ITGA11: variants seen among roughly 807,000 people sequenced by gnomAD.
ITGA11 encodes the protein integrin alpha-11.
In ITGA11, 97 loss-of-function variants were observed where a neutral mutation model predicts 141.9. That is an observed-to-expected ratio of 0.68 (90% CI 0.58 to 0.81). The LOEUF (loss-of-function observed/expected upper bound fraction) is 0.81. ITGA11 is among the 30% of genes least tolerant of loss of function. The pLI, the probability that ITGA11 is intolerant of heterozygous loss-of-function variation, is 0.00. For synonymous variants in ITGA11, 658 were observed against 624.6 expected, an observed-to-expected ratio of 1.05 and a Z score of -0.80; for missense variants, 1,387 against 1,559.2, an observed-to-expected ratio of 0.89 and a Z score of 1.86.
intron 10 of ITGA11, among the ~76,000 whole-genome samples, chr15:68,345,239 T>G (rs902033350): frequency 2.0e-5 from 3 of 152,194 alleles, no homozygotes; most frequent in African/African-American, 7.2e-5. Context: ...AGCTTAAAAA[T>G]GTATTCTAAA....
At chr15:68,371,427 G>A (rs1281715028) in intron 2 of ITGA11, among the ~76,000 whole-genome samples, 4 of 152,124 alleles carry the variant, frequency 2.6e-5, no homozygotes, top group Non-Finnish European at 4.4e-5. Flanking sequence ...GAAAAGCCAC[G>A]GCCAGCTGGG....
In ITGA11 at chr15:68,303,813, C is replaced by A; in HGVS notation, c.3454G>T (p.Gly1152Cys). 6.2e-7 allele frequency: 1 copy of A among 1,613,102 alleles called. No individual in the cohort carries two copies. Among genetic ancestry groups the A allele is most frequent in the Non-Finnish European group, 8.5e-7 (1 of 1,179,384 alleles). The part of the protein sequence containing the change: ...IWIIVGSTLG[G>C]LLLLALLVLA... ...ACCAGCAGGGCCAGCAGTAGGAGGC[C>A]CCCCAGGGTGCTGCCTACAATGATC... The change falls in exon 29 of 30, where the codon GGC (glycine) becomes TGC (cysteine). Residue 1152 changes from glycine (G) to cysteine (C), a missense_variant. Transcript: ENST00000315757. This position sits in a 1 kb window ranked among gnomAD's most constrained non-coding sequence, Gnocchi z 5.3.
chr15:68,412,838 G>A (rs1896806980), intron 1 of ITGA11, among the ~76,000 whole-genome samples: 1 of 151,852 alleles, frequency 6.6e-6, no homozygotes, highest in Non-Finnish European at 1.5e-5. Context: ...ACCATGCCTG[G>A]CTAATTTTTG....
intron 10 of ITGA11, among the ~76,000 whole-genome samples, chr15:68,347,933 C>T (rs1157807025): frequency 1.3e-5 from 2 of 152,056 alleles, no homozygotes; most frequent in Non-Finnish European, 2.9e-5. Flanking sequence ...CACACACACA[C>T]ACACACACAC....
intron 2 of ITGA11, among the ~76,000 whole-genome samples, chr15:68,400,962 ATATTTATTT>A (rs1896494447): frequency 1.7e-5 from 2 of 118,100 alleles, no homozygotes; most frequent in Non-Finnish European, 3.3e-5. Context: ...AATATTATAT[ATATTTATTT>A]ATATATTTTA....
chr15:68,338,864 C>G (rs1209586111), intron 11 of ITGA11, among the ~76,000 whole-genome samples: 1 of 152,222 alleles, frequency 6.6e-6, no homozygotes, highest in Non-Finnish European at 1.5e-5. Context: ...ACATCACCCC[C>G]CTTGCCGCCC....
At chr15:68,384,826 C>T (rs1895945010) in intron 2 of ITGA11, among the ~76,000 whole-genome samples, 2 of 152,212 alleles carry the variant, frequency 1.3e-5, no homozygotes, top group African/African-American at 4.8e-5. Flanking sequence ...AGGAAAAGAG[C>T]AAAGGATGTT....
At chr15:68,368,569 G>A (rs148706637) in intron 3 of ITGA11, among the ~76,000 whole-genome samples, 20 of 152,348 alleles carry the variant, frequency 1.3e-4, no homozygotes, top group African/African-American at 4.6e-4. Context: ...GCTCTTTGGC[G>A]AGGAAAAGCT....
At chr15:68,415,742 G>A (rs1896873079) in intron 1 of ITGA11, among the ~76,000 whole-genome samples, 1 of 152,212 alleles carries the variant, frequency 6.6e-6, no homozygotes, top group Non-Finnish European at 1.5e-5. Context: ...CCAGGAAGCA[G>A]AGAGCTCATG....
chr15:68,307,784 C>T lies in ITGA11; in HGVS notation c.3175-88G>A, dbSNP rs925731179. 1.1e-6 allele frequency: 1 copy of T among 871,524 alleles called. No individual in the cohort carries two copies. The highest frequency in any genetic ancestry group is 1.8e-6 in the Non-Finnish European group (1 of 541,318). The allele number at this position is 871,524 out of a possible 1,614,324, so 54.0% of individuals were successfully genotyped here. ...CTGCTTGAACGACTGGGGCTCTGCT[C>T]CTGGGGGCAGGGGCAGAGGACAGGG... On this transcript the variant is annotated intron_variant, in intron 26 of 29. Coordinates refer to ENST00000315757, the MANE Select transcript of ITGA11 (RefSeq NM_001004439.2). The surrounding 1 kb of genome is among the most constrained non-coding windows in gnomAD (Gnocchi z 6.1).
In ITGA11 at chr15:68,369,242, C is replaced by G; in HGVS notation, c.207G>C (p.Lys69Asn). 2 of 1,614,016 alleles carry G rather than the reference C, an allele frequency of 1.2e-6. No homozygotes were observed. Among genetic ancestry groups the G allele is most frequent in the South Asian group, 2.2e-5 (2 of 91,080 alleles). The change falls in exon 3 of 30, where the codon AAG (lysine) becomes AAC (asparagine). Residue 69 changes from lysine (K) to asparagine (N), a missense_variant. Physicochemically the swap from Lys to Asn is moderately conservative, Grantham distance 94. Transcript: ENST00000315757. ...GAPLETNGYQKTGDVYKCPVI... is the reference protein window; with the variant it reads ...GAPLETNGYQNTGDVYKCPVI... The stretch of plus-strand genomic sequence containing the variant: ...CTGGACACTTGTACACGTCTCCCGT[C>G]TTCTGGTAGCCATTGGTTTCCAGTG...
intron 1 of ITGA11, among the ~76,000 whole-genome samples, chr15:68,427,690 T>C (rs1478360634): frequency 6.6e-6 from 1 of 152,184 alleles, no homozygotes; most frequent in African/African-American, 2.4e-5. Context: ...TCTCCTCCTC[T>C]CCTTCTCCTG....
intron 16 of ITGA11, among the ~76,000 whole-genome samples, chr15:68,327,555 G>A (rs931001331): frequency 3.3e-5 from 5 of 152,106 alleles, no homozygotes; most frequent in African/African-American, 1.2e-4. Flanking sequence ...CCTGGAACCC[G>A]CAGCTCACTT....
intron 2 of ITGA11, among the ~76,000 whole-genome samples, chr15:68,385,637 G>A (rs190718418): frequency 6.6e-5 from 10 of 152,194 alleles, no homozygotes; most frequent in Non-Finnish European, 1.2e-4. Flanking sequence ...ACAAAGTCTT[G>A]AGACATGAGA....
In ITGA11 at chr15:68,350,648, A is replaced by C; in HGVS notation, c.1029T>G (p.Asp343Glu). The stretch of plus-strand genomic sequence containing the variant: ...GGCTGAAGATTCTGTCCCCCAGGGC[A>C]TCGACAATGTCCTTCAAGGCAGCCT... Reference protein sequence around the residue: ...TDEAALKDIVDALGDRIFSLE... With the variant: ...TDEAALKDIVEALGDRIFSLE... The change falls in exon 9 of 30, where the codon GAT (aspartate) becomes GAG (glutamate). Residue 343 changes from aspartate (D) to glutamate (E), a missense_variant. By Grantham distance (45) the Asp-to-Glu change is conservative (BLOSUM62 2). Coordinates refer to ENST00000315757, the MANE Select transcript of ITGA11 (RefSeq NM_001004439.2). 1 of 1,613,896 alleles carries C rather than the reference A, an allele frequency of 6.2e-7. No homozygotes were observed. The highest frequency in any genetic ancestry group is 8.5e-7 in the Non-Finnish European group (1 of 1,179,840).
intron 2 of ITGA11, among the ~76,000 whole-genome samples, chr15:68,374,770 G>A (rs1480593243): frequency 6.6e-6 from 1 of 152,260 alleles, no homozygotes; most frequent in East Asian, 1.9e-4. Context: ...GGACTGCCCA[G>A]GAAGGGAAGA....
At chr15:68,356,315 G>T (rs1217546053) in intron 7 of ITGA11, among the ~76,000 whole-genome samples, 1 of 151,720 alleles carries the variant, frequency 6.6e-6, no homozygotes, top group African/African-American at 2.4e-5. Flanking sequence ...TGTTGCCCAG[G>T]CTGGTCTCGA....
At chr15:68,400,839 T>TATA (rs1273132183) in intron 2 of ITGA11, among the ~76,000 whole-genome samples, 276 of 6,266 alleles carry the variant, frequency 0.044, 89 homozygotes, top group East Asian at 0.41. Context: ...TAATAAATAT[T>TATA]ATATTATATA....
chr15:68,344,609 C>T (rs1422736010), intron 10 of ITGA11, among the ~76,000 whole-genome samples: 11 of 151,786 alleles, frequency 7.2e-5, no homozygotes, highest in Non-Finnish European at 1.5e-5. Flanking sequence ...ATCCCATGGG[C>T]CTTGAGGGGA....
Sources: allele counts gnomAD v4.1 joint callset (sites outside exome capture counted in the v4.1 genomes callset), GRCh38; gene constraint gnomAD v4.1.1; non-coding constraint Gnocchi (gnomAD v3.1); transcripts MANE v1.5; gene names NCBI Gene and HGNC (gene_info 2026-07-23, HGNC 2026-07-21).